The following MB21D2 variants were observed in gnomAD, a reference collection of about 807,000 sequenced individuals.
MB21D2 encodes the protein Mab-21 domain containing 2, also known as nucleotidyltransferase MB21D2.
In MB21D2, 9 loss-of-function variants were observed where a neutral mutation model predicts 33.3. That is an observed-to-expected ratio of 0.27 (90% CI 0.16 to 0.47). The LOEUF (loss-of-function observed/expected upper bound fraction) is 0.47. MB21D2 is among the 20% of genes least tolerant of loss of function. MB21D2 has a pLI of 0.99. For synonymous variants in MB21D2, 241 were observed against 236.3 expected (o/e 1.02, Z -0.18); for missense variants, 540 against 624.6 (o/e 0.86, Z 1.44).
chr3:192,810,186 T>G (rs1455629997), intron 1 of MB21D2, among the ~76,000 whole-genome samples: 1 of 152,154 alleles, frequency 6.6e-6, no homozygotes, highest in Non-Finnish European at 1.5e-5. Flanking sequence ...ACAAAACCCT[T>G]ATCGGGTACA....
At position 192,909,678 on chromosome 3, in the gene MB21D2, C is replaced by T. The variant is rs555844179; in HGVS notation, c.211+7952G>A. Among the ~76,000 whole-genome samples, 115 of 152,188 alleles carry T rather than the reference C, an allele frequency of 7.6e-4. 2 individuals carry two copies. In the South Asian group the frequency reaches 0.013, roughly 17 times the overall value. ...AGACACGGTGGCTCACGCCTGTAATCCCAGCACTTTGGAAGGCCGAGGTGG... is the reference window on the plus strand; with the variant it reads ...AGACACGGTGGCTCACGCCTGTAATTCCAGCACTTTGGAAGGCCGAGGTGG... On this transcript the variant is annotated intron_variant, in intron 1 of 1. Transcript: ENST00000392452.
chr3:192,817,543 C>T (rs1179968524), intron 1 of MB21D2, among the ~76,000 whole-genome samples: 1 of 152,202 alleles, frequency 6.6e-6, no homozygotes, highest in Non-Finnish European at 1.5e-5. Context: ...GCTAGCATCA[C>T]TGCAAACAGT....
Position 192,878,476 on chromosome 3 carries a change from T to C in MB21D2, c.211+39154A>G, listed in dbSNP as rs555048837. Among the ~76,000 whole-genome samples the C allele has an allele frequency of 3.3e-5, 5 of 152,360 alleles. No individual in the cohort carries two copies. In the South Asian group the frequency reaches 1.0e-3, roughly 32 times the overall value. Reference sequence around the variant, plus strand: ...TACTTTCAATAGAATAAAGACTTATTCAGCAGCATCTTCTGGTCTAGTTTG... The same window carrying C: ...TACTTTCAATAGAATAAAGACTTATCCAGCAGCATCTTCTGGTCTAGTTTG... On this transcript the variant is annotated intron_variant, in intron 1 of 1. Coordinates refer to ENST00000392452, the MANE Select transcript of MB21D2 (RefSeq NM_178496.4).
At chr3:192,800,454 T>C (rs746268624) in intron 1 of MB21D2, among the ~76,000 whole-genome samples, 36 of 152,184 alleles carry the variant, frequency 2.4e-4, no homozygotes, top group Non-Finnish European at 4.1e-4. Context: ...GCCAGTGCCT[T>C]AGCAGCAAAG....
At chr3:192,857,642 AG>A (rs1368457228) in intron 1 of MB21D2, among the ~76,000 whole-genome samples, 2 of 152,100 alleles carry the variant, frequency 1.3e-5, no homozygotes, top group Non-Finnish European at 2.9e-5. Flanking sequence ...TAGGCTAAAG[AG>A]AAAAAAAAAA....
chr3:192,902,022 A>T (rs1393663632), intron 1 of MB21D2, among the ~76,000 whole-genome samples: 1 of 152,160 alleles, frequency 6.6e-6, no homozygotes, highest in African/African-American at 2.4e-5. Flanking sequence ...GCACCTTCTT[A>T]CTTTCAAAAG....
intron 1 of MB21D2, among the ~76,000 whole-genome samples, chr3:192,908,035 G>C (rs533141220): frequency 6.6e-6 from 1 of 152,238 alleles, no homozygotes; most frequent in East Asian, 1.9e-4. Flanking sequence ...CCCTAGGATA[G>C]GTCTTAAGGA....
chr3:192,893,710 C>G (rs906920585), intron 1 of MB21D2, among the ~76,000 whole-genome samples: 2 of 152,216 alleles, frequency 1.3e-5, no homozygotes, highest in African/African-American at 4.8e-5. Flanking sequence ...CCTTTCGAAA[C>G]CAGTGCATGA....
intron 1 of MB21D2, among the ~76,000 whole-genome samples, chr3:192,826,098 T>C (rs1712168581): frequency 6.6e-6 from 1 of 152,220 alleles, no homozygotes; most frequent in Non-Finnish European, 1.5e-5. Flanking sequence ...TCCTACACTA[T>C]TCACGAGGAT....
intron 1 of MB21D2, among the ~76,000 whole-genome samples, chr3:192,823,841 A>T (rs1712111058): frequency 6.6e-6 from 1 of 150,968 alleles, no homozygotes. Context: ...TTAACAGAGT[A>T]AAAAAAAAAT....
At chr3:192,801,214 T>C (rs1308756596) in intron 1 of MB21D2, among the ~76,000 whole-genome samples, 2 of 152,218 alleles carry the variant, frequency 1.3e-5, no homozygotes, top group Non-Finnish European at 2.9e-5. Context: ...GACTGTTCCA[T>C]AAACAACATA....
At chr3:192,881,686 C>T (rs547110657) in intron 1 of MB21D2, among the ~76,000 whole-genome samples, 1 of 152,200 alleles carries the variant, frequency 6.6e-6, no homozygotes, top group South Asian at 2.1e-4. Context: ...CTATTCGGTA[C>T]CTGTGGAGGC....
At chr3:192,835,455 C>CAAAAAAAA (rs34280688) in intron 1 of MB21D2, among the ~76,000 whole-genome samples, 1 of 61,172 alleles carries the variant, frequency 1.6e-5, no homozygotes, top group Non-Finnish European at 3.2e-5. Context: ...GACTCTGTCT[C>CAAAAAAAA]AAAAAAAAAA....
rs79685233 is a variant in MB21D2 at position 192,842,279 on chromosome 3, G to A, written c.212-42629C>T. 8.2e-3 allele frequency among the ~76,000 whole-genome samples: 1,249 copies of A among 152,292 alleles called. 12 individuals carry two copies. The highest frequency in any genetic ancestry group is 0.028 in the African/African-American group (1,177 of 41,568). ...ACCACGTTGAACACTGGCCTCCCAC[G>A]GCTGCCCGTCAGAGCCAGAGGTTTC... On this transcript the variant is annotated intron_variant, in intron 1 of 1. Coordinates refer to ENST00000392452, the MANE Select transcript of MB21D2 (RefSeq NM_178496.4).
At chr3:192,824,420 T>G (rs964957048) in intron 1 of MB21D2, among the ~76,000 whole-genome samples, 2 of 151,946 alleles carry the variant, frequency 1.3e-5, no homozygotes, top group Non-Finnish European at 1.5e-5. Flanking sequence ...ATATCTTGAG[T>G]TGACCCTTTG....
At chr3:192,871,781 A>AAGTGACATGATGGGGATGACAGAGGGG (rs1181656518) in intron 1 of MB21D2, among the ~76,000 whole-genome samples, 2 of 152,036 alleles carry the variant, frequency 1.3e-5, no homozygotes, top group African/African-American at 4.8e-5. Context: ...CTATAGAGGG[A>AAGTGACATGATGGGGATGACAGAGGGG]AGTGACATGA....
chr3:192,894,929 CTT>C (rs1461806042), intron 1 of MB21D2, among the ~76,000 whole-genome samples: 8 of 152,358 alleles, frequency 5.3e-5, no homozygotes, highest in East Asian at 3.9e-4. Flanking sequence ...GAAATCTCCT[CTT>C]TGTCTGACAT....
Position 192,797,038 on chromosome 3 carries a change from C to G in MB21D2, c.*1348G>C, listed in dbSNP as rs976966767. 6 of 152,574 alleles carry G rather than the reference C, an allele frequency of 3.9e-5. No homozygotes were observed. The highest frequency in any genetic ancestry group is 1.4e-4 in the African/African-American group (6 of 41,434). The allele number at this position is 152,574 out of a possible 1,614,324, so 9.5% of individuals were successfully genotyped here. ...TCTATGAGTAGACATCATGGGTGTC[C>G]TTTGAAAGATCAGCAGGCCTCCTGA... On this transcript the variant is annotated 3_prime_UTR_variant, in exon 2 of 2. Coordinates refer to ENST00000392452, the MANE Select transcript of MB21D2 (RefSeq NM_178496.4).
chr3:192,808,047 C>A (rs1711704343), intron 1 of MB21D2, among the ~76,000 whole-genome samples: 1 of 152,086 alleles, frequency 6.6e-6, no homozygotes, highest in African/African-American at 2.4e-5. Context: ...AGGAACTTCA[C>A]AGTCACTCTG....
Sources: gnomAD v4.1 joint callset for allele counts (sites outside exome capture counted in the v4.1 genomes callset) on GRCh38, gnomAD v4.1.1 for gene constraint, MANE v1.5 for transcripts, NCBI Gene and HGNC (gene_info 2026-07-23, HGNC 2026-07-21) for gene names.